Variants in ADGRV1 observed in about 807,000 individuals in gnomAD.
ADGRV1 encodes the protein G-protein coupled receptor 98.
Under a neutral mutation model 596.2 loss-of-function variants are expected in ADGRV1, and 359 were observed. That is an observed-to-expected ratio of 0.60 (90% CI 0.55 to 0.66). The LOEUF (loss-of-function observed/expected upper bound fraction) is 0.66. Among genes scored for constraint, ADGRV1 ranks in the 30% least tolerant of loss-of-function variants. ADGRV1 has a pLI of 0.00. For missense variants in ADGRV1, 7,274 were observed against 7,575.6 expected, an observed-to-expected ratio of 0.96 and a Z score of 1.48; for synonymous variants, 2,681 against 2,679.2, an observed-to-expected ratio of 1.00 and a Z score of -0.02.
rs760362152 is a variant in ADGRV1, at chr5:90,750,588, ATAGCCTAG to A, written c.11015_11022del (p.Ser3672AsnfsTer5). On this transcript the variant is annotated frameshift_variant, in exon 53 of 90. Coordinates refer to ENST00000405460, the MANE Select transcript of ADGRV1 (RefSeq NM_032119.4). LOFTEE classifies it high-confidence loss of function. The stretch of plus-strand genomic sequence containing the variant: ...AAGCAAGTGGAAGAAATGGAGCAAG[ATAGCCTAG>A]TAACCTTGAACGTTGAACGCTTAAA... 6.2e-7 allele frequency: 1 copy of A among 1,612,362 alleles called. No individual in the cohort carries two copies.
At chr5:90,614,790 G>T (rs1197248879) in intron 1 of ADGRV1, 45 bp from the exon 2 acceptor site, 11 of 1,304,238 alleles carry the variant, frequency 8.4e-6, no homozygotes, top group Non-Finnish European at 1.1e-5. Flanking sequence ...AATGAGAATA[G>T]ATTAGATATA....
chr5:91,114,029 C>T (rs1242274076), intron 87 of ADGRV1, among the ~76,000 whole-genome samples: 3 of 151,690 alleles, frequency 2.0e-5, no homozygotes, highest in Admixed American at 2.0e-4. Context: ...CCAGCCTGGC[C>T]GACATAGTGA....
At chr5:90,692,323 G>A (rs1455737351) in intron 31 of ADGRV1, among the ~76,000 whole-genome samples, 1 of 151,916 alleles carries the variant, frequency 6.6e-6, no homozygotes, top group Non-Finnish European at 1.5e-5. Context: ...CATAAACAGG[G>A]ATATTAAAAT....
At position 90,647,876 on chromosome 5, in the gene ADGRV1, A is replaced by G. The variant is rs1323034554; in HGVS notation, c.3289+112A>G. Reference sequence around the variant, plus strand: ...AGTAGGGCCTAACTACATTTGTACTATTCAAGAGTAAAATTATTTCATTGC... The same window carrying G: ...AGTAGGGCCTAACTACATTTGTACTGTTCAAGAGTAAAATTATTTCATTGC... On this transcript the variant is annotated intron_variant, in intron 17 of 89. Transcript: ENST00000405460. 7 of 886,572 alleles carry G rather than the reference A, an allele frequency of 7.9e-6. No individual in the cohort carries two copies. The African/African-American group carries it at 1.0e-4, about 13-fold the overall frequency. 54.9% of individuals were successfully genotyped at this position (886,572 alleles called of 1,614,324 possible). A position where few individuals can be genotyped will look rare whatever the true frequency, so the allele number is the denominator to read the frequency against.
chr5:90,571,231 C>T (rs1432892453), intron 1 of ADGRV1, among the ~76,000 whole-genome samples: 1 of 151,904 alleles, frequency 6.6e-6, no homozygotes, highest in African/African-American at 2.4e-5. Flanking sequence ...AGTAAGTCTC[C>T]CAGTTTTTGC....
intron 52 of ADGRV1, among the ~76,000 whole-genome samples, chr5:90,749,922 G>A (rs1181486583): frequency 1.3e-5 from 2 of 152,154 alleles, no homozygotes; most frequent in East Asian, 3.8e-4. Flanking sequence ...AAAAACAGTT[G>A]TAAAGGCCAT....
intron 83 of ADGRV1, among the ~76,000 whole-genome samples, chr5:90,956,416 A>G (rs1043518567): frequency 3.3e-5 from 5 of 152,214 alleles, no homozygotes; most frequent in African/African-American, 7.2e-5. Context: ...ACTCAGTACC[A>G]TCAGTAAAGT....
At chr5:90,862,069 A>G (rs1186153508) in intron 82 of ADGRV1, among the ~76,000 whole-genome samples, 2 of 152,202 alleles carry the variant, frequency 1.3e-5, no homozygotes, top group Admixed American at 6.5e-5. Flanking sequence ...GAAGCCTAAT[A>G]TACTTAATTA....
At chr5:90,782,592 T>G (rs1758966621) in intron 65 of ADGRV1, among the ~76,000 whole-genome samples, 1 of 152,138 alleles carries the variant, frequency 6.6e-6, no homozygotes, top group African/African-American at 2.4e-5. Context: ...AAATCAAACA[T>G]TGAAGACACA....
rs767016820 is a variant in ADGRV1 at position 90,783,792 on chromosome 5, C to T, written c.13434-46C>T. ...ACTGGTTATTGGGATTTTACAAGCA[C>T]TTTAATATGTTTAGACTCACAGAAT... On this transcript the variant is annotated intron_variant, in intron 66 of 89. Coordinates refer to ENST00000405460, the MANE Select transcript of ADGRV1 (RefSeq NM_032119.4). 4.2e-6 allele frequency: 6 copies of T among 1,411,920 alleles called. No individual in the cohort carries two copies. In the South Asian group the frequency reaches 6.4e-5, roughly 15 times the overall value. The allele number at this position is 1,411,920 out of a possible 1,614,324, so 87.5% of individuals were successfully genotyped here.
At chr5:90,580,186 G>A (rs142776713) in intron 1 of ADGRV1, among the ~76,000 whole-genome samples, 2 of 152,300 alleles carry the variant, frequency 1.3e-5, no homozygotes, top group African/African-American at 4.8e-5. Flanking sequence ...CCCATTAATT[G>A]ATGCAGTTTC....
At chr5:90,604,149 A>G (rs1287401673) in intron 1 of ADGRV1, among the ~76,000 whole-genome samples, 1 of 151,970 alleles carries the variant, frequency 6.6e-6, no homozygotes, top group Admixed American at 6.6e-5. Flanking sequence ...AAAATAATCT[A>G]GACATCCATT....
intron 51 of ADGRV1, 128 bp from the exon 52 acceptor site, chr5:90,745,463 A>C (rs1754509779): frequency 1.3e-6 from 1 of 773,634 alleles, no homozygotes; most frequent in African/African-American, 1.8e-5. Context: ...TTTTGGATTA[A>C]AATTTTCGTT....
At chr5:90,863,919 C>A in intron 83 of ADGRV1, 62 bp downstream of exon 83, 2 of 1,081,504 alleles carry the variant, frequency 1.8e-6, no homozygotes, top group Non-Finnish European at 2.8e-6. Context: ...TTCTTTGGTT[C>A]TTGAACTGAG....
chr5:90,670,654 C>T (rs554872984), intron 21 of ADGRV1, among the ~76,000 whole-genome samples: 1 of 152,250 alleles, frequency 6.6e-6, no homozygotes, highest in Non-Finnish European at 1.5e-5. Context: ...GGAGGTTATG[C>T]ATAGGTTTGA....
At chr5:91,035,154 A>C (rs985250815) in intron 85 of ADGRV1, among the ~76,000 whole-genome samples, 150 of 152,144 alleles carry the variant, frequency 9.9e-4, no homozygotes, top group Admixed American at 9.8e-3. Flanking sequence ...TTCTTCCACC[A>C]TCCAGCCTGC....
At chr5:90,757,786 A>AT (rs1402163317) in intron 57 of ADGRV1, among the ~76,000 whole-genome samples, 4 of 152,164 alleles carry the variant, frequency 2.6e-5, no homozygotes, top group South Asian at 2.1e-4. Context: ...TTTTCATACC[A>AT]TTTTTTTATC....
chr5:90,960,379 A>C (rs1169860550), intron 83 of ADGRV1, among the ~76,000 whole-genome samples: 1 of 152,158 alleles, frequency 6.6e-6, no homozygotes, highest in African/African-American at 2.4e-5. Flanking sequence ...ACAAACACCT[A>C]CTATGTTCAA....
chr5:90,887,934 A>G (rs536217232), intron 83 of ADGRV1, among the ~76,000 whole-genome samples: 1 of 152,156 alleles, frequency 6.6e-6, no homozygotes, highest in African/African-American at 2.4e-5. Context: ...TTTTTCTTTT[A>G]TGTGGAAAAA....
Sources: gnomAD v4.1 joint callset for allele counts (sites outside exome capture counted in the v4.1 genomes callset) on GRCh38, gnomAD v4.1.1 for gene constraint, MANE v1.5 for transcripts, NCBI Gene and HGNC (gene_info 2026-07-23, HGNC 2026-07-21) for gene names.